Variants in WWOX observed in about 807,000 individuals in gnomAD.
The protein encoded by WWOX is WW domain containing oxidoreductase.
In WWOX, 69 loss-of-function variants were observed where a neutral mutation model predicts 46.2. The observed-to-expected ratio is 1.49, with a 90% confidence interval of 1.23 to 1.82. The LOEUF is 1.82. Among genes scored for constraint, WWOX ranks in the 40% most tolerant of loss-of-function variants. WWOX has a pLI of 0.00. For synonymous variants in WWOX, 359 were observed against 202.6 expected (o/e 1.77, Z -6.56); for missense variants, 919 against 542.6 (o/e 1.69, Z -6.89).
chr16:78,570,179 A>G (rs372791385), intron 8 of WWOX, among the ~76,000 whole-genome samples: 130 of 152,322 alleles, frequency 8.5e-4, no homozygotes, highest in African/African-American at 3.1e-3. Context: ...TTGCAAACAA[A>G]CTCAGGGGAA....
At chr16:78,901,458 C>T (rs904403722) in intron 8 of WWOX, among the ~76,000 whole-genome samples, 3 of 152,072 alleles carry the variant, frequency 2.0e-5, no homozygotes, top group African/African-American at 2.4e-5. Flanking sequence ...TGTTTTGCTC[C>T]TTCTTTTCAT....
At chr16:78,679,049 G>C (rs1376547337) in intron 8 of WWOX, among the ~76,000 whole-genome samples, 1 of 152,208 alleles carries the variant, frequency 6.6e-6, no homozygotes, top group East Asian at 1.9e-4. Flanking sequence ...TGCCAAGCCT[G>C]TTTCTAGAAT....
chr16:78,670,080 C>T (rs866058574), intron 8 of WWOX, among the ~76,000 whole-genome samples: 2 of 152,088 alleles, frequency 1.3e-5, no homozygotes, highest in South Asian at 2.1e-4. Flanking sequence ...AATTCCTGTT[C>T]CCGGCCGCCC....
intron 8 of WWOX, among the ~76,000 whole-genome samples, chr16:78,796,760 C>A (rs1227618146): frequency 6.6e-6 from 1 of 152,100 alleles, no homozygotes; most frequent in Admixed American, 6.5e-5. Flanking sequence ...GCCATCCAGC[C>A]ACTCATTGCT....
At chr16:78,144,464 C>CGTATATATATAT (rs1567596338) in intron 4 of WWOX, among the ~76,000 whole-genome samples, 3 of 17,968 alleles carry the variant, frequency 1.7e-4, no homozygotes, top group Non-Finnish European at 2.2e-4. Flanking sequence ...TATATATATA[C>CGTATATATATAT]ACACATATAT....
At chr16:78,681,467 C>T (rs1212051328) in intron 8 of WWOX, among the ~76,000 whole-genome samples, 1 of 151,772 alleles carries the variant, frequency 6.6e-6, no homozygotes, top group Non-Finnish European at 1.5e-5. Flanking sequence ...AAGGAAACAT[C>T]CTAGACACTT....
chr16:78,342,883 G>A (rs1749340266), intron 5 of WWOX, among the ~76,000 whole-genome samples: 1 of 120,850 alleles, frequency 8.3e-6, no homozygotes, highest in South Asian at 2.5e-4. Flanking sequence ...GATCCCTTTT[G>A]TGCTAGAGGA....
chr16:79,122,529 C>T (rs570526438), intron 8 of WWOX, among the ~76,000 whole-genome samples: 1 of 151,372 alleles, frequency 6.6e-6, no homozygotes, highest in Non-Finnish European at 1.5e-5. Flanking sequence ...CCTTCCTTCT[C>T]TCTATCCTTC....
At chr16:78,508,607 A>T (rs894845518) in intron 8 of WWOX, among the ~76,000 whole-genome samples, 2 of 152,158 alleles carry the variant, frequency 1.3e-5, no homozygotes, top group Non-Finnish European at 2.9e-5. Context: ...AATTACAGCA[A>T]ATGATTCAGA....
intron 1 of WWOX, among the ~76,000 whole-genome samples, chr16:78,107,250 T>C (rs1406604429): frequency 6.6e-6 from 1 of 152,234 alleles, no homozygotes; most frequent in Non-Finnish European, 1.5e-5. Flanking sequence ...GAAATAATTG[T>C]ATGTTTTCCT....
chr16:78,282,691 G>A (rs12926966), intron 5 of WWOX, among the ~76,000 whole-genome samples: 35,500 of 151,754 alleles, frequency 0.23, 4,389 homozygotes, highest in East Asian at 0.45. Context: ...GCTGGCCAAT[G>A]TGATGTGAGA....
chr16:78,556,928 A>G (rs867403276), intron 8 of WWOX, among the ~76,000 whole-genome samples: 43 of 152,128 alleles, frequency 2.8e-4, no homozygotes, highest in African/African-American at 8.7e-4. Flanking sequence ...CATATTGGTC[A>G]GGCTGGTCTT....
chr16:78,453,049 T>A (rs1386257144), intron 8 of WWOX, among the ~76,000 whole-genome samples: 1 of 132,734 alleles, frequency 7.5e-6, no homozygotes, highest in African/African-American at 2.9e-5. Context: ...GCCTGGATAA[T>A]TTTTTGTATT....
chr16:78,569,466 G>A (rs763069255), intron 8 of WWOX, among the ~76,000 whole-genome samples: 5 of 152,106 alleles, frequency 3.3e-5, no homozygotes, highest in African/African-American at 7.2e-5. Flanking sequence ...TGGAGAAAAG[G>A]GGGAAAAAGT....
rs1448974613 is a variant in WWOX, at chr16:78,693,462, A to AT, written c.1056+260717dup. Among the ~76,000 whole-genome samples the AT allele has an allele frequency of 3.9e-5, 6 of 152,184 alleles. No homozygotes were observed. In the South Asian group the frequency reaches 1.0e-3, roughly 26 times the overall value. On this transcript the variant is annotated intron_variant, in intron 8 of 8. Coordinates refer to ENST00000566780, the MANE Select transcript of WWOX (RefSeq NM_016373.4). ...ATTTAGTCCCAGTTTTCCAGCTTCT[A>AT]TTTTTTTCCACATAATCCCTAACCA...
In WWOX at chr16:79,211,843, C is replaced by T; in HGVS notation, c.*47C>T. On this transcript the variant is annotated 3_prime_UTR_variant, in exon 9 of 9. Coordinates refer to ENST00000566780, the MANE Select transcript of WWOX (RefSeq NM_016373.4). ...CACACACACCCGCCCTGTGTGTGTCCCCTCACGCAAGTGCCAGGGCTGGGC... is the reference window on the plus strand; with the variant it reads ...CACACACACCCGCCCTGTGTGTGTCTCCTCACGCAAGTGCCAGGGCTGGGC... 2 of 1,611,076 alleles carry T rather than the reference C, an allele frequency of 1.2e-6. No homozygotes were observed. Among genetic ancestry groups the T allele is most frequent in the South Asian group, 1.1e-5 (1 of 90,774 alleles).
chr16:79,140,634 A>T (rs958314730), intron 8 of WWOX, among the ~76,000 whole-genome samples: 10 of 152,220 alleles, frequency 6.6e-5, no homozygotes, highest in Non-Finnish European at 1.5e-4. Context: ...GGTAATTAAG[A>T]AGCAAGAAGC....
At chr16:78,769,745 G>A (rs1451461425) in intron 8 of WWOX, among the ~76,000 whole-genome samples, 1 of 151,458 alleles carries the variant, frequency 6.6e-6, no homozygotes, top group African/African-American at 2.4e-5. Context: ...ACTCATGCCT[G>A]TCTGTAATCC....
intron 5 of WWOX, among the ~76,000 whole-genome samples, chr16:78,175,307 G>C (rs2035304288): frequency 6.6e-6 from 1 of 152,126 alleles, no homozygotes. Context: ...CCCTGTAAAA[G>C]GAAGCCTTAG....
Sources: allele counts gnomAD v4.1 joint callset (sites outside exome capture counted in the v4.1 genomes callset), GRCh38; gene constraint gnomAD v4.1.1; transcripts MANE v1.5; gene names NCBI Gene and HGNC (gene_info 2026-07-23, HGNC 2026-07-21).